PITPNM1: variants seen among roughly 807,000 people sequenced by gnomAD.
The protein encoded by PITPNM1 is membrane-associated phosphatidylinositol transfer protein 1.
Under a neutral mutation model 133.3 loss-of-function variants are expected in PITPNM1, and 74 were observed. That is an observed-to-expected ratio of 0.56 (90% confidence interval 0.46 to 0.67). The LOEUF (loss-of-function observed/expected upper bound fraction) is 0.67, where lower values mean the gene tolerates loss of function less well. Ranked by LOEUF, PITPNM1 falls within the 30% of genes least tolerant of loss-of-function variation. The pLI, the probability that PITPNM1 is intolerant of heterozygous loss-of-function variation, is 0.00. For missense variants in PITPNM1, 1,398 were observed against 1,739.5 expected, an observed-to-expected ratio of 0.80 and a Z score of 3.49; for synonymous variants, 738 against 741.4, an observed-to-expected ratio of 1.00 and a Z score of 0.08.
intron 23 of PITPNM1, among the ~76,000 whole-genome samples, chr11:67,492,537 G>A (rs931498587): frequency 2.0e-5 from 3 of 152,250 alleles, no homozygotes; most frequent in Non-Finnish European, 4.4e-5. Context: ...GGGTCTTAGA[G>A]GAAAAATAAC....
intron 22 of PITPNM1, 138 bp from the exon 23 acceptor site, chr11:67,493,200 A>T: frequency 8.5e-7 from 1 of 1,179,312 alleles, no homozygotes; most frequent in Non-Finnish European, 1.2e-6. Context: ...TCCCACGGGG[A>T]CAGGGGCGGG....
rs538203186 is a variant in PITPNM1 at position 67,496,411 on chromosome 11, T to C, written c.2147-63A>G. The stretch of plus-strand genomic sequence containing the variant: ...GGTTTCAGCTGGGCACTCTGGGAGG[T>C]AGGGGGTGTGGGAGCAGCACCCTGA... On this transcript the variant is annotated intron_variant, in intron 14 of 23. Coordinates refer to ENST00000356404, the MANE Select transcript of PITPNM1 (RefSeq NM_004910.3). 1.0e-5 allele frequency: 15 copies of C among 1,467,734 alleles called. No homozygotes were observed. The East Asian group carries it at 1.8e-4, about 17-fold the overall frequency. 90.9% of individuals were successfully genotyped at this position (1,467,734 alleles called of 1,614,324 possible).
chr11:67,492,377 T>C lies in PITPNM1; in HGVS notation c.3472-81A>G, dbSNP rs1385939306. ...CCCTCCACGGTCCTCCAGAGGCACC[T>C]GAGGCAGGCTGGGGGACTGGTGGCA... On this transcript the variant is annotated intron_variant, in intron 23 of 23. Coordinates refer to ENST00000356404, the MANE Select transcript of PITPNM1 (RefSeq NM_004910.3). The C allele has an allele frequency of 1.2e-5, 16 of 1,373,190 alleles. No individual in the cohort carries two copies. The East Asian group carries it at 4.1e-4, about 35-fold the overall frequency. The allele number at this position is 1,373,190 out of a possible 1,614,324, so 85.1% of individuals were successfully genotyped here.
rs938439836 is a variant in PITPNM1 at position 67,498,285 on chromosome 11, G to A, written c.1522C>T (p.Arg508Cys). 6.2e-7 allele frequency: 1 copy of A among 1,603,626 alleles called. No individual in the cohort carries two copies. The highest frequency in any genetic ancestry group is 8.5e-7 in the Non-Finnish European group (1 of 1,174,688). Residue 508 changes from arginine to cysteine, a missense_variant, in exon 11 of 24, where the codon CGC (arginine) becomes TGC (cysteine). Physicochemically the swap from Arg to Cys is radical, Grantham distance 180 (BLOSUM62 -3). Around this residue, in one of 5 missense-constraint regions of PITPNM1, gnomAD observed 574 missense variants for 698.7 expected, o/e 0.82. Coordinates refer to ENST00000356404, the MANE Select transcript of PITPNM1 (RefSeq NM_004910.3). This position sits in a 1 kb window ranked among gnomAD's most constrained non-coding sequence, Gnocchi z 5.7. ...PYSHDGDSLSRSQDHIPLAAL... is the reference protein window; with the variant it reads ...PYSHDGDSLSCSQDHIPLAAL... ...GCCAGTGGAATGTGGTCTTGGGAGCGAGACAGGCTGTCCCCATCGTGGCTG... is the reference window on the plus strand; with the variant it reads ...GCCAGTGGAATGTGGTCTTGGGAGCAAGACAGGCTGTCCCCATCGTGGCTG...
At position 67,492,048 on chromosome 11, in the gene PITPNM1, C is replaced by T. The variant is rs1865940232; in HGVS notation, c.3720G>A (p.Leu1240=). ...RGKARSISLK[L]DSEE ...GGTGTGGGCCTCACTCCTCGCTGTC[C>T]AGCTTCAGGCTGATGCTCCGTGCTT... The change falls in exon 24 of 24, where the codon CTG becomes CTA. Residue 1240 remains leucine, a synonymous_variant. Transcript: ENST00000356404. 1 of 1,612,198 alleles carries T rather than the reference C, an allele frequency of 6.2e-7. No homozygotes were observed.
In PITPNM1 at chr11:67,498,709, G is replaced by T; in HGVS notation, c.1371C>A (p.Ser457Arg). Residue 457 changes from serine to arginine, a missense_variant, in exon 10 of 24, where the codon AGC (serine) becomes AGA (arginine). Transcript: ENST00000356404. This position sits in a 1 kb window ranked among gnomAD's most constrained non-coding sequence, Gnocchi z 5.7. ...NSKQADVQTL[S>R]SAFEAVTRIH... is the part of the protein sequence containing the mutation. ...TGCGGGTGACGGCCTCGAAGGCGGAGCTCAGCGTCTGCACATCCGCCTGCT... is the reference window on the plus strand; with the variant it reads ...TGCGGGTGACGGCCTCGAAGGCGGATCTCAGCGTCTGCACATCCGCCTGCT... 6.2e-7 allele frequency: 1 copy of T among 1,607,752 alleles called. No homozygotes were observed. Among genetic ancestry groups the T allele is most frequent in the Admixed American group, 1.7e-5 (1 of 60,026 alleles).
At chr11:67,499,580 T>TCCATCCACCTACCCACCCGCCCAC (rs1866249913) in intron 8 of PITPNM1, 143 bp downstream of exon 8, 1 of 267,328 alleles carries the variant, frequency 3.7e-6, no homozygotes. Flanking sequence ...CATCCATCCA[T>TCCATCCACCTACCCACCCGCCCAC]CCATCCATCC....
rs748601200 is a variant in PITPNM1, at chr11:67,502,352, C to T, written c.355G>A (p.Gly119Arg). 1.2e-6 allele frequency: 2 copies of T among 1,613,662 alleles called. No individual in the cohort carries two copies. The highest frequency in any genetic ancestry group is 1.7e-6 in the Non-Finnish European group (2 of 1,180,024). Residue 119 changes from glycine (G) to arginine (R), a missense_variant, in exon 4 of 24, where the codon GGG (glycine) becomes AGG (arginine). Transcript: ENST00000356404. The surrounding 1 kb of genome is among the most constrained non-coding windows in gnomAD (Gnocchi z 5.9). ...IEIETYYLPD[G>R]GQQPNVFNLS... ...TTGAAGACGTTTGGCTGCTGCCCCC[C>T]ATCAGGCAGGTAATAGGTCTCAATT...
chr11:67,493,398 C>T lies in PITPNM1; in HGVS notation c.3342+12G>A, dbSNP rs775740310. 14 of 1,563,206 alleles carry T rather than the reference C, an allele frequency of 9.0e-6. No individual in the cohort carries two copies. The East Asian group carries it at 3.0e-4, about 34-fold the overall frequency. On this transcript the variant is annotated intron_variant, in intron 22 of 23. Transcript: ENST00000356404. Reference sequence around the variant, plus strand: ...CGGGGTCAGGACCCGGAGCCTCCCCCAGCCGCCGCACCTCCTGCACCAGGC... The same window carrying T: ...CGGGGTCAGGACCCGGAGCCTCCCCTAGCCGCCGCACCTCCTGCACCAGGC...
At chr11:67,493,334 T>G in intron 22 of PITPNM1, 76 bp downstream of exon 22, 1 of 1,394,720 alleles carries the variant, frequency 7.2e-7, no homozygotes, top group Non-Finnish European at 9.7e-7. Context: ...CAGATGGGCC[T>G]CCGCCGATCC....
chr11:67,494,017 G>A lies in PITPNM1; in HGVS notation c.2913C>T (p.Gly971=). 2 of 1,611,832 alleles carry A rather than the reference G, an allele frequency of 1.2e-6. No individual in the cohort carries two copies. Among genetic ancestry groups the A allele is most frequent in the Non-Finnish European group, 1.7e-6 (2 of 1,179,550 alleles). Residue 971 remains glycine, a synonymous_variant, in exon 20 of 24, where the codon GGC becomes GGT. Coordinates refer to ENST00000356404, the MANE Select transcript of PITPNM1 (RefSeq NM_004910.3). ...QPLSGKWIHF[G]TEVTNSSGRL... is the part of the protein sequence containing the mutation. ...GGCCCGAGCTATTGGTGACTTCGGT[G>A]CCAAAGTGGATCCACTTGCCCGACA...
At position 67,496,299 on chromosome 11, in the gene PITPNM1, C is replaced by T. The variant is rs746906135; in HGVS notation, c.2196G>A (p.Ala732=). 25 of 1,580,732 alleles carry T rather than the reference C, an allele frequency of 1.6e-5. No homozygotes were observed. In the Admixed American group the frequency reaches 2.6e-4, roughly 16 times the overall value. ...CGAGGCGTGAGGCGCAGGGGTCAGCCGCGTGGAAGAGGTTGTAGATCTGTT... is the reference window on the plus strand; with the variant it reads ...CGAGGCGTGAGGCGCAGGGGTCAGCTGCGTGGAAGAGGTTGTAGATCTGTT... The part of the protein sequence containing the change: ...ACEQIYNLFH[A]ADPCASRLEP... Residue 732 remains alanine (A), a synonymous_variant, in exon 15 of 24, where the codon GCG becomes GCA. Transcript: ENST00000356404.
chr11:67,496,127 T>A (rs1866112340), intron 15 of PITPNM1, 51 bp downstream of exon 15: 1 of 1,439,126 alleles, frequency 6.9e-7, no homozygotes, highest in African/African-American at 1.5e-5. Context: ...ACCTCCTCCC[T>A]TCCTGTGTGT....
rs757596013 is a variant in PITPNM1 at position 67,498,348 on chromosome 11, G to A, written c.1485-26C>T. The stretch of plus-strand genomic sequence containing the variant: ...CTGTAGGAGGGGGAAATGTGCGTGG[G>A]TGAGGGGCTTCCAGACCCACTCCTG... On this transcript the variant is annotated intron_variant, in intron 10 of 23. Coordinates refer to ENST00000356404, the MANE Select transcript of PITPNM1 (RefSeq NM_004910.3). The surrounding 1 kb of genome is among the most constrained non-coding windows in gnomAD (Gnocchi z 5.7). 2 of 1,522,014 alleles carry A rather than the reference G, an allele frequency of 1.3e-6. No homozygotes were observed. Among genetic ancestry groups the A allele is most frequent in the Non-Finnish European group, 1.8e-6 (2 of 1,136,222 alleles). 94.3% of individuals were successfully genotyped at this position (1,522,014 alleles called of 1,614,324 possible).
intron 5 of PITPNM1, among the ~76,000 whole-genome samples, chr11:67,500,849 T>C (rs936432447): frequency 1.3e-5 from 2 of 152,256 alleles, no homozygotes; most frequent in Non-Finnish European, 2.9e-5. Flanking sequence ...TAGCGAAAGA[T>C]GATACCCATT....
chr11:67,498,528 C>T lies in PITPNM1; in HGVS notation c.1484+68G>A. 5 of 1,555,744 alleles carry T rather than the reference C, an allele frequency of 3.2e-6. No homozygotes were observed. The highest frequency in any genetic ancestry group is 4.3e-6 in the Non-Finnish European group (5 of 1,154,724). ...CAGGTGTCTGGCTTCCTGACCCCTT[C>T]CCCGCTCCCTGCCCCGCTCCCTGGC... On this transcript the variant is annotated intron_variant, in intron 10 of 23. Coordinates refer to ENST00000356404, the MANE Select transcript of PITPNM1 (RefSeq NM_004910.3). The surrounding 1 kb of genome is among the most constrained non-coding windows in gnomAD (Gnocchi z 5.7).
Position 67,502,393 on chromosome 11 carries a change from T to C in PITPNM1, c.314A>G (p.Glu105Gly), listed in dbSNP as rs138431155. 7.4e-6 allele frequency: 12 copies of C among 1,613,812 alleles called. No individual in the cohort carries two copies. The highest frequency in any genetic ancestry group is 9.3e-6 in the Non-Finnish European group (11 of 1,180,034). ...TRTRYTCPFV[E>G]KFSIEIETYY... is the part of the protein sequence containing the mutation. ...GGTCTCAATTTCAATGGAGAATTTCTCCACGAAAGGGCAGGTGTACCTGGG... is the reference window on the plus strand; with the variant it reads ...GGTCTCAATTTCAATGGAGAATTTCCCCACGAAAGGGCAGGTGTACCTGGG... The change falls in exon 4 of 24, where the codon GAG (glutamate) becomes GGG (glycine). Residue 105 changes from glutamate (E) to glycine (G), a missense_variant. Around this residue, in one of 5 missense-constraint regions of PITPNM1, gnomAD observed 274 missense variants for 360.7 expected, o/e 0.76. Transcript: ENST00000356404. The surrounding 1 kb of genome is among the most constrained non-coding windows in gnomAD (Gnocchi z 5.9).
intron 19 of PITPNM1, 74 bp from the exon 20 acceptor site, chr11:67,494,144 G>A (rs1866029302): frequency 6.6e-7 from 1 of 1,507,362 alleles, no homozygotes; most frequent in African/African-American, 1.4e-5. Flanking sequence ...TGTCGTCGGG[G>A]ATGGGTGGGT....
intron 16 of PITPNM1, 53 bp from the exon 17 acceptor site, chr11:67,495,278 C>A (rs778506669): frequency 2.0e-6 from 3 of 1,526,864 alleles, no homozygotes; most frequent in Non-Finnish European, 2.6e-6. Flanking sequence ...CACCCATCTG[C>A]CTGGGCGCTG....
Sources: gnomAD v4.1 joint callset for allele counts (sites outside exome capture counted in the v4.1 genomes callset) on GRCh38, gnomAD v4.1.1 for gene constraint, gnomAD v4.1.1 regional missense constraint, Gnocchi (gnomAD v3.1) non-coding constraint, MANE v1.5 for transcripts, NCBI Gene and HGNC (gene_info 2026-07-23, HGNC 2026-07-21) for gene names.